Variants in SCML4 observed in about 807,000 individuals in gnomAD.
SCML4 encodes the protein Scm polycomb group protein like 4.
A neutral mutation model predicts 41.1 loss-of-function variants in SCML4; 34 were observed. The observed-to-expected ratio is 0.83, with a 90% CI of 0.63 to 1.10. The LOEUF (loss-of-function observed/expected upper bound fraction) is 1.10. Ranked by LOEUF, SCML4 falls within the 50% of genes least tolerant of loss-of-function variation. The probability of loss-of-function intolerance (pLI) is 0.00; values close to 1 mark genes in which losing one functional copy is unlikely to be tolerated. For missense variants in SCML4, 522 were observed against 534.1 expected, an observed-to-expected ratio of 0.98 and a Z score of 0.22; for synonymous variants, 214 against 220.9, an observed-to-expected ratio of 0.97 and a Z score of 0.28.
chr6:107,786,794 G>C (rs530351995), intron 1 of SCML4, among the ~76,000 whole-genome samples: 13 of 152,320 alleles, frequency 8.5e-5, no homozygotes, highest in African/African-American at 3.1e-4. Flanking sequence ...GTGGCCACCA[G>C]GCTCAGAAAT....
At chr6:107,716,227 C>G (rs1326535565) in intron 6 of SCML4, among the ~76,000 whole-genome samples, 1 of 152,196 alleles carries the variant, frequency 6.6e-6, no homozygotes, top group Admixed American at 6.5e-5. Context: ...AGAGGGAGGG[C>G]ACCTGGAGTC....
intron 6 of SCML4, chr6:107,718,461 A>C (rs985993975): frequency 6.6e-6 from 1 of 152,418 alleles, no homozygotes; most frequent in Non-Finnish European, 1.5e-5. Flanking sequence ...TGTCTTTATT[A>C]GCAGAACAGA....
chr6:107,812,058 G>T (rs1251533215), intron 1 of SCML4, among the ~76,000 whole-genome samples: 2 of 152,220 alleles, frequency 1.3e-5, no homozygotes, highest in African/African-American at 2.4e-5. Context: ...GTGGGAGCCA[G>T]CAGGGAGGCT....
chr6:107,827,725 A>C (rs575436698), upstream of SCML4, among the ~76,000 whole-genome samples: 1 of 152,186 alleles, frequency 6.6e-6, no homozygotes, highest in African/African-American at 2.4e-5. Flanking sequence ...AGCATGTTCC[A>C]CTCTCTCCAC....
upstream of SCML4, among the ~76,000 whole-genome samples, chr6:107,828,070 G>A (rs986834432): frequency 3.9e-5 from 6 of 152,208 alleles, no homozygotes; most frequent in African/African-American, 1.4e-4. Flanking sequence ...ACAATCCTAT[G>A]AAGTAGGTAT....
intron 2 of SCML4, among the ~76,000 whole-genome samples, chr6:107,761,831 G>A (rs575824155): frequency 6.0e-5 from 9 of 151,228 alleles, no homozygotes; most frequent in South Asian, 2.1e-4. Flanking sequence ...AAAAGTGAAG[G>A]TAAAATAAAG....
At chr6:107,833,773 A>G in the SCML4 span, among the ~76,000 whole-genome samples, 1 of 152,168 alleles carries the variant, frequency 6.6e-6, no homozygotes, top group Non-Finnish European at 1.5e-5. Flanking sequence ...TTTACAAGAA[A>G]TGTACAAGTT....
chr6:107,765,193 G>T (rs72933154), intron 2 of SCML4, among the ~76,000 whole-genome samples: 14,017 of 152,186 alleles, frequency 0.092, 1,689 homozygotes, highest in African/African-American at 0.28. Context: ...GTGATTGGGT[G>T]TCTTACAGAA....
chr6:107,731,229 T>A (rs1776511085), intron 5 of SCML4, among the ~76,000 whole-genome samples: 3 of 152,300 alleles, frequency 2.0e-5, no homozygotes, highest in South Asian at 4.1e-4. Flanking sequence ...TGACCAAGTG[T>A]CAGCTCTCCT....
intron 1 of SCML4, among the ~76,000 whole-genome samples, chr6:107,778,683 A>G (rs896958817): frequency 2.0e-5 from 3 of 152,198 alleles, no homozygotes; most frequent in African/African-American, 7.2e-5. Context: ...CTGGCGAATC[A>G]TGCTTCATCA....
At chr6:107,807,197 CT>C (rs1490967907) in intron 1 of SCML4, among the ~76,000 whole-genome samples, 1 of 152,020 alleles carries the variant, frequency 6.6e-6, no homozygotes, top group Non-Finnish European at 1.5e-5. Flanking sequence ...TAAAAAGACC[CT>C]TTTACAAAAT....
chr6:107,829,638 C>T, the SCML4 span, among the ~76,000 whole-genome samples: 3 of 152,000 alleles, frequency 2.0e-5, no homozygotes, highest in Non-Finnish European at 2.9e-5. Flanking sequence ...CTAATGCGTG[C>T]GGGGCTTAAA....
intron 1 of SCML4, among the ~76,000 whole-genome samples, chr6:107,800,140 C>T (rs1327527888): frequency 6.6e-6 from 1 of 152,090 alleles, no homozygotes; most frequent in African/African-American, 2.4e-5. Flanking sequence ...TAGGCACACA[C>T]CACTGCCCTC....
intron 6 of SCML4, among the ~76,000 whole-genome samples, chr6:107,708,866 TTG>T (rs1448464470): frequency 6.6e-6 from 1 of 152,170 alleles, no homozygotes; most frequent in Non-Finnish European, 1.5e-5. Flanking sequence ...GGTTGATTTT[TTG>T]TGTGTGTATG....
In SCML4 at chr6:107,746,795, T is replaced by A. The variant is rs201534795; in HGVS notation, c.381A>T (p.Pro127=). 21 of 1,614,140 alleles carry A rather than the reference T, an allele frequency of 1.3e-5. No individual in the cohort carries two copies. The East Asian group carries it at 4.2e-4, about 33-fold the overall frequency. Residue 127 remains proline, a synonymous_variant, in exon 4 of 8, where the codon CCA becomes CCT. Coordinates refer to ENST00000369020, the MANE Select transcript of SCML4 (RefSeq NM_198081.5). ...GGACGGCCTGCTGCAGCACCGCCGA[T>A]GGCCGCTCGGGCCCAAAATGCTCCG... ...QLPEHFGPER[P]SAVLQQAVQA...
intron 7 of SCML4, 101 bp downstream of exon 7, chr6:107,707,765 C>T: frequency 6.8e-7 from 1 of 1,466,040 alleles, no homozygotes; most frequent in Non-Finnish European, 9.3e-7. Flanking sequence ...AGCACCCCTC[C>T]ACCACCTCCC....
intron 6 of SCML4, among the ~76,000 whole-genome samples, chr6:107,715,745 A>C (rs899466120): frequency 2.0e-5 from 3 of 152,200 alleles, no homozygotes; most frequent in Admixed American, 2.0e-4. Flanking sequence ...AAGTACCGCC[A>C]GAGAGAGAAG....
upstream of SCML4, among the ~76,000 whole-genome samples, chr6:107,824,793 C>T (rs561714191): frequency 1.3e-5 from 2 of 152,216 alleles, no homozygotes; most frequent in South Asian, 4.1e-4. Context: ...GGTGATCTGA[C>T]AGAGTGAATG....
At chr6:107,824,471 T>C (rs1178272737), upstream of SCML4, among the ~76,000 whole-genome samples, 2 of 20,252 alleles carry the variant, frequency 9.9e-5, no homozygotes, top group Non-Finnish European at 2.1e-4. Context: ...TCTGTGTGTG[T>C]GTGTGTGTGT....
Sources: gnomAD v4.1 joint callset for allele counts (sites outside exome capture counted in the v4.1 genomes callset) on GRCh38, gnomAD v4.1.1 for gene constraint, MANE v1.5 for transcripts, NCBI Gene and HGNC (gene_info 2026-07-23, HGNC 2026-07-21) for gene names.